BICC1: variants seen among roughly 807,000 people sequenced by gnomAD.
The protein encoded by BICC1 is BicC family RNA binding protein 1, also known as protein bicaudal C homolog 1.
Under a neutral mutation model 111.0 loss-of-function variants are expected in BICC1, and 43 were observed. The observed-to-expected ratio is 0.39, with a 90% CI of 0.30 to 0.50. BICC1 has a LOEUF of 0.50. Ranked by LOEUF, BICC1 falls within the 20% of genes least tolerant of loss-of-function variation. BICC1 has a pLI of 0.88. For synonymous variants in BICC1, 467 were observed against 434.4 expected, an observed-to-expected ratio of 1.07 and a Z score of -0.93; for missense variants, 1,091 against 1,203.2, an observed-to-expected ratio of 0.91 and a Z score of 1.38.
intron 1 of BICC1, among the ~76,000 whole-genome samples, chr10:58,551,369 T>TA (rs1276516285): frequency 6.6e-6 from 1 of 152,194 alleles, no homozygotes; most frequent in African/African-American, 2.4e-5. Context: ...TAAATTGACA[T>TA]AAAAATTTAA....
At chr10:58,619,777 G>C (rs1351542143) in intron 1 of BICC1, among the ~76,000 whole-genome samples, 1 of 152,152 alleles carries the variant, frequency 6.6e-6, no homozygotes, top group Non-Finnish European at 1.5e-5. Context: ...TATGGTAGAT[G>C]CTTGTCAAAA....
intron 2 of BICC1, among the ~76,000 whole-genome samples, chr10:58,679,775 CAAAA>C (rs1385339610): frequency 2.0e-5 from 3 of 152,086 alleles, no homozygotes; most frequent in Admixed American, 6.6e-5. Flanking sequence ...AACATCAATG[CAAAA>C]ATCCTCAATA....
chr10:58,707,957 A>G (rs1388669625), intron 3 of BICC1, among the ~76,000 whole-genome samples: 1 of 151,614 alleles, frequency 6.6e-6, no homozygotes, highest in Non-Finnish European at 1.5e-5. Flanking sequence ...TCGGCCTCCC[A>G]AAGTGCTGGG....
intron 3 of BICC1, among the ~76,000 whole-genome samples, chr10:58,777,606 C>T (rs1842781289): frequency 6.6e-6 from 1 of 152,156 alleles, no homozygotes; most frequent in South Asian, 2.1e-4. Context: ...GCTCCCCAAT[C>T]ATTGCCAAAG....
intron 2 of BICC1, among the ~76,000 whole-genome samples, chr10:58,682,718 T>C (rs577327929): frequency 6.6e-6 from 1 of 152,344 alleles, no homozygotes; most frequent in South Asian, 2.1e-4. Context: ...GCCCACTTTT[T>C]GATGGGGTTG....
At position 58,820,371 on chromosome 10, in the gene BICC1, C is replaced by A. The variant is rs538054750; in HGVS notation, c.2697C>A (p.Ile899=). 6.2e-7 allele frequency: 1 copy of A among 1,607,834 alleles called. No individual in the cohort carries two copies. Among genetic ancestry groups the A allele is most frequent in the Admixed American group, 1.7e-5 (1 of 59,896 alleles). The change falls in exon 20 of 21, where the codon ATC becomes ATA. Residue 899 remains isoleucine, a splice_region_variant and synonymous_variant. Transcript: ENST00000373886. ...TAGATTGACCTTTCTACCCACAGAT[C>A]GATCTTCAGACATTCCTCACTCTCA... ...KYTDVFQQQE[I]DLQTFLTLTD...
intron 1 of BICC1, among the ~76,000 whole-genome samples, chr10:58,571,459 C>T (rs1843948646): frequency 6.6e-6 from 1 of 152,034 alleles, no homozygotes; most frequent in African/African-American, 2.4e-5. Context: ...CCAGCATCCA[C>T]TACTTATTCT....
intron 3 of BICC1, among the ~76,000 whole-genome samples, chr10:58,773,596 G>A (rs1842674866): frequency 1.3e-5 from 2 of 152,226 alleles, no homozygotes; most frequent in South Asian, 4.1e-4. Context: ...AGACTACTCA[G>A]TGGAATTGCA....
In BICC1 at chr10:58,796,372, C is replaced by T. The variant is rs770463970; in HGVS notation, c.1212C>T (p.Ala404=). ...SVIVKSVERN[A]LNMYEARKCL... ...TTGTGAAAAGTGTTGAGCGAAATGC[C>T]TTAAATATGTATGAAGCAAGGAAAT... Residue 404 remains alanine (A), a synonymous_variant, in exon 10 of 21, where the codon GCC becomes GCT. Coordinates refer to ENST00000373886, the MANE Select transcript of BICC1 (RefSeq NM_001080512.3). 6.2e-7 allele frequency: 1 copy of T among 1,613,852 alleles called. No individual in the cohort carries two copies. Among genetic ancestry groups the T allele is most frequent in the Non-Finnish European group, 8.5e-7 (1 of 1,179,950 alleles).
At chr10:58,552,609 AC>A (rs1426031505) in intron 1 of BICC1, among the ~76,000 whole-genome samples, 3 of 152,162 alleles carry the variant, frequency 2.0e-5, no homozygotes, top group Non-Finnish European at 4.4e-5. Flanking sequence ...TTCTGGGATT[AC>A]AGGTTATTCT....
intron 2 of BICC1, among the ~76,000 whole-genome samples, chr10:58,651,827 C>G (rs1214204440): frequency 6.6e-6 from 1 of 152,038 alleles, no homozygotes; most frequent in Non-Finnish European, 1.5e-5. Flanking sequence ...GAAATCATAA[C>G]TTTTCTAGAA....
chr10:58,673,777 C>T (rs1347372360), intron 2 of BICC1, among the ~76,000 whole-genome samples: 2 of 140,316 alleles, frequency 1.4e-5, no homozygotes, highest in Non-Finnish European at 3.0e-5. Flanking sequence ...TGTGTGCTAC[C>T]ACGCCCAGCT....
At chr10:58,786,270 G>A (rs1464914487) in intron 4 of BICC1, among the ~76,000 whole-genome samples, 1 of 151,978 alleles carries the variant, frequency 6.6e-6, no homozygotes, top group Non-Finnish European at 1.5e-5. Flanking sequence ...TATTTATTAT[G>A]TCTTAGAATT....
At chr10:58,683,052 T>C (rs1428179706) in intron 2 of BICC1, among the ~76,000 whole-genome samples, 1 of 152,188 alleles carries the variant, frequency 6.6e-6, no homozygotes, top group East Asian at 1.9e-4. Flanking sequence ...CTTGAATTAA[T>C]TTTTGTGTAA....
intron 4 of BICC1, 78 bp downstream of exon 4, chr10:58,785,158 A>G (rs1427708429): frequency 1.3e-6 from 1 of 780,010 alleles, no homozygotes; most frequent in Non-Finnish European, 2.0e-6. Flanking sequence ...TGAAAGAACC[A>G]TTTGGAGAAG....
At chr10:58,638,479 C>T (rs1284229031) in intron 2 of BICC1, among the ~76,000 whole-genome samples, 1 of 152,114 alleles carries the variant, frequency 6.6e-6, no homozygotes, top group Non-Finnish European at 1.5e-5. Context: ...TTGCTTTCTC[C>T]CTGTCTCAGG....
chr10:58,677,993 G>C (rs1839396408), intron 2 of BICC1, among the ~76,000 whole-genome samples: 1 of 152,164 alleles, frequency 6.6e-6, no homozygotes, highest in African/African-American at 2.4e-5. Context: ...AGCAACTGCT[G>C]AGGGATATTG....
chr10:58,819,631 A>G (rs1212969871), intron 19 of BICC1, among the ~76,000 whole-genome samples: 1 of 152,148 alleles, frequency 6.6e-6, no homozygotes, highest in Non-Finnish European at 1.5e-5. Flanking sequence ...CTTTATATCT[A>G]TAGTTATAGT....
chr10:58,689,765 G>A (rs1839858413), intron 2 of BICC1, among the ~76,000 whole-genome samples: 1 of 152,204 alleles, frequency 6.6e-6, no homozygotes, highest in African/African-American at 2.4e-5. Flanking sequence ...GTCCACGGTG[G>A]TGTAAGCTGA....
Sources: allele counts gnomAD v4.1 joint callset (sites outside exome capture counted in the v4.1 genomes callset), GRCh38; gene constraint gnomAD v4.1.1; transcripts MANE v1.5; gene names NCBI Gene and HGNC (gene_info 2026-07-23, HGNC 2026-07-21).